RERE: variants seen among roughly 807,000 people sequenced by gnomAD.
RERE encodes the protein arginine-glutamic acid dipeptide repeats, also known as arginine-glutamic acid dipeptide repeats protein.
A neutral mutation model predicts 146.1 loss-of-function variants in RERE; 40 were observed. The observed-to-expected ratio is 0.27, with a 90% CI of 0.21 to 0.36. The LOEUF (loss-of-function observed/expected upper bound fraction) is 0.36. RERE is among the 10% of genes least tolerant of loss of function. The pLI is 1.00. For missense variants in RERE, 1,933 were observed against 2,138.7 expected (o/e 0.90, Z 1.90); for synonymous variants, 1,003 against 866.0 (o/e 1.16, Z -2.78).
chr1:8,695,436 C>A (rs929010666), intron 1 of RERE, among the ~76,000 whole-genome samples: 61 of 152,018 alleles, frequency 4.0e-4, no homozygotes, highest in Admixed American at 1.2e-3. Flanking sequence ...AACTAAAGAG[C>A]TTCTGCACAG....
In RERE at chr1:8,403,413, C is replaced by T. The variant is rs568803293; in HGVS notation, c.1284+19314G>A. 4.7e-5 allele frequency among the ~76,000 whole-genome samples: 7 copies of T among 149,114 alleles called. No individual in the cohort carries two copies. The South Asian group carries it at 6.4e-4, about 14-fold the overall frequency. ...CTTCTTTTTTACAAGATCAGCCTTG[C>T]TGTATTATATTCATATTTTCTTTTT... On this transcript the variant is annotated intron_variant, in intron 12 of 22. Transcript: ENST00000400908.
Position 8,360,620 on chromosome 1 carries a change from G to A in RERE, c.2887C>T (p.Leu963=). 6.6e-7 allele frequency: 1 copy of A among 1,514,772 alleles called. No individual in the cohort carries two copies. Among genetic ancestry groups the A allele is most frequent in the Non-Finnish European group, 8.8e-7 (1 of 1,133,584 alleles). 93.8% of individuals were successfully genotyped at this position (1,514,772 alleles called of 1,614,324 possible). ...GGCTTCAGGGCTGGAGGGGGAGGCA[G>A]GTTGGCATTCATGGAGAAGGGTGAG... The part of the protein sequence containing the change: ...GPSPFSMNAN[L]PPPPALKPLS... Residue 963 remains leucine (L), a synonymous_variant, in exon 18 of 23, where the codon CTG becomes TTG. Coordinates refer to ENST00000400908, the MANE Select transcript of RERE (RefSeq NM_001042681.2).
chr1:8,437,654 G>A (rs930966268), intron 11 of RERE, among the ~76,000 whole-genome samples: 13 of 152,078 alleles, frequency 8.5e-5, no homozygotes, highest in East Asian at 3.9e-4. Context: ...TTGGTAATAC[G>A]GGAGCATGAA....
intron 1 of RERE, among the ~76,000 whole-genome samples, chr1:8,732,153 A>T (rs573911790): frequency 3.5e-4 from 53 of 152,316 alleles, no homozygotes; most frequent in African/African-American, 1.3e-3. Flanking sequence ...CGTGCCCCTA[A>T]GCATTTGTCC....
intron 7 of RERE, among the ~76,000 whole-genome samples, chr1:8,513,369 AAGAC>A (rs1645367029): frequency 6.6e-6 from 1 of 152,226 alleles, no homozygotes; most frequent in Non-Finnish European, 1.5e-5. Flanking sequence ...CTTAATAGAA[AAGAC>A]AGCTAGATTC....
chr1:8,742,501 T>TCA (rs1640329037), intron 1 of RERE, among the ~76,000 whole-genome samples: 2 of 152,102 alleles, frequency 1.3e-5, no homozygotes, highest in Admixed American at 6.6e-5. Flanking sequence ...GGACTAGAAC[T>TCA]CACACAAGCC....
chr1:8,357,543 G>T (rs1641345197), intron 20 of RERE, among the ~76,000 whole-genome samples: 5 of 152,228 alleles, frequency 3.3e-5, no homozygotes, highest in Admixed American at 3.3e-4. Flanking sequence ...TGGAGCAGGT[G>T]AACCTGCCTC....
chr1:8,745,613 G>A (rs893035533), intron 1 of RERE, among the ~76,000 whole-genome samples: 4 of 152,110 alleles, frequency 2.6e-5, no homozygotes, highest in Non-Finnish European at 5.9e-5. Context: ...ACTTCTACAG[G>A]ATTCCACGGT....
In RERE at chr1:8,632,274, A is replaced by G. The variant is rs202070411; in HGVS notation, c.326-7894T>C. On this transcript the variant is annotated intron_variant, in intron 2 of 22. Coordinates refer to ENST00000400908, the MANE Select transcript of RERE (RefSeq NM_001042681.2). ...TCCCCGTATGGCTGACAACAAACAAATTGCTCGTCTGATCTTCTGGTGTCA... is the reference window on the plus strand; with the variant it reads ...TCCCCGTATGGCTGACAACAAACAAGTTGCTCGTCTGATCTTCTGGTGTCA... Among the ~76,000 whole-genome samples the G allele has an allele frequency of 3.3e-5, 5 of 152,274 alleles. No homozygotes were observed. The East Asian group carries it at 7.7e-4, about 23-fold the overall frequency.
At chr1:8,781,613 G>C (rs1019509024) in intron 1 of RERE, among the ~76,000 whole-genome samples, 1 of 151,374 alleles carries the variant, frequency 6.6e-6, no homozygotes, top group Admixed American at 6.6e-5. Flanking sequence ...GAATCTCTCC[G>C]TGCCTCCATT....
At chr1:8,703,258 G>A (rs1639494219) in intron 1 of RERE, 1 of 149,812 alleles carries the variant, frequency 6.7e-6, no homozygotes, top group Non-Finnish European at 1.5e-5. Context: ...CGGCGGCTTG[G>A]CGGCTCCGGG....
At chr1:8,769,762 T>C (rs1339876301) in intron 1 of RERE, among the ~76,000 whole-genome samples, 1 of 151,082 alleles carries the variant, frequency 6.6e-6, no homozygotes, top group Non-Finnish European at 1.5e-5. Context: ...CAGACATGAG[T>C]CACCACACCC....
At chr1:8,786,799 C>T (rs770119912) in intron 1 of RERE, 7 of 808,674 alleles carry the variant, frequency 8.7e-6, no homozygotes, top group African/African-American at 1.7e-5. Flanking sequence ...AATAAGCTCC[C>T]TCCTTGCCTT....
intron 1 of RERE, among the ~76,000 whole-genome samples, chr1:8,746,225 G>A (rs1383504716): frequency 1.3e-5 from 2 of 152,188 alleles, no homozygotes; most frequent in African/African-American, 2.4e-5. Context: ...TTGTATCTAT[G>A]TTAACGTAAA....
chr1:8,617,739 C>G (rs547065447), intron 3 of RERE, among the ~76,000 whole-genome samples: 3 of 152,114 alleles, frequency 2.0e-5, no homozygotes, highest in African/African-American at 4.8e-5. Flanking sequence ...GAGGTTCACA[C>G]GTATACTAGG....
chr1:8,598,181 C>T (rs1004715261), intron 4 of RERE, among the ~76,000 whole-genome samples: 1 of 152,192 alleles, frequency 6.6e-6, no homozygotes, highest in African/African-American at 2.4e-5. Flanking sequence ...AATTATAAAG[C>T]GTACAGCAAG....
chr1:8,442,741 G>A (rs1394999507), intron 11 of RERE, among the ~76,000 whole-genome samples: 1 of 152,174 alleles, frequency 6.6e-6, no homozygotes, highest in Non-Finnish European at 1.5e-5. Flanking sequence ...GAGTTTGCAG[G>A]GCTCAGAAGA....
At chr1:8,542,610 G>A (rs1166508950) in intron 6 of RERE, among the ~76,000 whole-genome samples, 1 of 152,088 alleles carries the variant, frequency 6.6e-6, no homozygotes, top group East Asian at 1.9e-4. Context: ...ATTATTTGAG[G>A]CCAGGAATTC....
intron 1 of RERE, among the ~76,000 whole-genome samples, chr1:8,796,185 C>A (rs1300451606): frequency 6.6e-6 from 1 of 152,048 alleles, no homozygotes; most frequent in Non-Finnish European, 1.5e-5. Context: ...GGGCACTACA[C>A]AAGAATACAT....
Sources: gnomAD v4.1 joint callset for allele counts (sites outside exome capture counted in the v4.1 genomes callset) on GRCh38, gnomAD v4.1.1 for gene constraint, MANE v1.5 for transcripts, NCBI Gene and HGNC (gene_info 2026-07-23, HGNC 2026-07-21) for gene names.